FAM149A: variants seen among roughly 807,000 people sequenced by gnomAD.
The protein encoded by FAM149A is family with sequence similarity 149 member A.
In FAM149A, 71 loss-of-function variants were observed where a neutral mutation model predicts 78.2. That is an observed-to-expected ratio of 0.91 (90% CI 0.75 to 1.11). FAM149A has a LOEUF of 1.11. Among genes scored for constraint, FAM149A ranks in the 50% least tolerant of loss-of-function variants. The pLI is 0.00. For missense variants in FAM149A, 1,036 were observed against 971.0 expected, an observed-to-expected ratio of 1.07 and a Z score of -0.89; for synonymous variants, 446 against 410.5, an observed-to-expected ratio of 1.09 and a Z score of -1.04.
intron 12 of FAM149A, 22 bp from the exon 13 acceptor site, chr4:186,167,162 G>A (rs1267854398): frequency 1.2e-6 from 2 of 1,606,482 alleles, no homozygotes; most frequent in Non-Finnish European, 1.7e-6. Context: ...ACTTGTCCCT[G>A]ATTTTATTTT....
chr4:186,156,090 C>T lies in FAM149A; in HGVS notation c.1320C>T (p.Val440=). Residue 440 remains valine (V), a synonymous_variant, in exon 7 of 14, where the codon GTC becomes GTT. Transcript: ENST00000389354. ...CTCCTGTTTCCCCGCGTGACTGTGT[C>T]AAAGATGCCGTGGCAGCAGAAGTGT... 6.2e-7 allele frequency: 1 copy of T among 1,613,902 alleles called. No individual in the cohort carries two copies. The highest frequency in any genetic ancestry group is 8.5e-7 in the Non-Finnish European group (1 of 1,179,878).
chr4:186,135,910 G>T (rs1375690302), intron 1 of FAM149A, among the ~76,000 whole-genome samples: 3 of 152,214 alleles, frequency 2.0e-5, no homozygotes, highest in Non-Finnish European at 4.4e-5. Flanking sequence ...AGGGACTCAG[G>T]TGTGTCATTG....
intron 1 of FAM149A, chr4:186,125,669 T>C: frequency 1.0e-6 from 1 of 979,156 alleles, no homozygotes; most frequent in Non-Finnish European, 1.2e-6. Context: ...AGCAGAGCGC[T>C]TGGCTGAAAT....
At chr4:186,109,370 C>A in intron 1 of FAM149A, 1 of 684,466 alleles carries the variant, frequency 1.5e-6, no homozygotes, top group Non-Finnish European at 1.8e-6. Context: ...GGAAACATTG[C>A]AGTGGCTGCT....
chr4:186,107,042 A>C (rs1375764060), intron 1 of FAM149A, among the ~76,000 whole-genome samples: 2 of 152,244 alleles, frequency 1.3e-5, no homozygotes, highest in Admixed American at 1.3e-4. Context: ...TATGTTTATC[A>C]ACTGATAGTT....
At chr4:186,109,939 C>A (rs1319285585) in intron 1 of FAM149A, 2 of 985,272 alleles carry the variant, frequency 2.0e-6, no homozygotes, top group Non-Finnish European at 2.4e-6. Flanking sequence ...CTGTGTAACA[C>A]CCAGAAGGAA....
chr4:186,130,287 C>A (rs866198815), intron 1 of FAM149A: 30 of 38,210 alleles, frequency 7.9e-4, no homozygotes, highest in East Asian at 2.9e-3. Context: ...CTCTCTCTCT[C>A]TCTCTCTATA....
Position 186,151,926 on chromosome 4 carries a change from G to C in FAM149A, c.813G>C (p.Gln271His). ...AGGAATTTGACGAAGCCAGTTCACA[G>C]TCAGTGCAGCGGTTACTCTGGGAGG... The change falls in exon 4 of 14, where the codon CAG becomes CAC. Residue 271 changes from glutamine to histidine, a missense_variant. By Grantham distance (24) the Gln-to-His change is conservative. Coordinates refer to ENST00000389354, the MANE Select transcript of FAM149A (RefSeq NM_001367768.3). The C allele has an allele frequency of 6.2e-7, 1 of 1,614,170 alleles. No individual in the cohort carries two copies. The highest frequency in any genetic ancestry group is 8.5e-7 in the Non-Finnish European group (1 of 1,180,008).
intron 1 of FAM149A, among the ~76,000 whole-genome samples, chr4:186,137,860 A>AAT (rs2126397180): frequency 6.6e-6 from 1 of 151,664 alleles, no homozygotes; most frequent in South Asian, 2.1e-4. Flanking sequence ...AATATTAAAT[A>AAT]ATATATTCTA....
chr4:186,143,391 T>C (rs1056721032), intron 1 of FAM149A, among the ~76,000 whole-genome samples: 4 of 84,242 alleles, frequency 4.7e-5, no homozygotes, highest in African/African-American at 2.0e-4. Flanking sequence ...GTTTTCCTGA[T>C]AGATATGTAT....
chr4:186,119,279 C>G (rs2099315008), intron 1 of FAM149A, among the ~76,000 whole-genome samples: 1 of 152,134 alleles, frequency 6.6e-6, no homozygotes, highest in Non-Finnish European at 1.5e-5. Context: ...TAGTACTCGT[C>G]AAGCAAATGG....
chr4:186,130,406 A>G (rs11722721), intron 1 of FAM149A, among the ~76,000 whole-genome samples: 14,701 of 150,378 alleles, frequency 0.098, 809 homozygotes, highest in South Asian at 0.14. Context: ...ACAGAGTCTT[A>G]CTCTGTCATC....
intron 1 of FAM149A, chr4:186,117,569 G>A (rs2099314271): frequency 1.0e-6 from 1 of 985,324 alleles, no homozygotes; most frequent in Admixed American, 6.1e-5. Context: ...CACTGTCGGA[G>A]ACCAAAGCAG....
intron 8 of FAM149A, chr4:186,158,662 C>G: frequency 9.2e-7 from 1 of 1,084,472 alleles, no homozygotes; most frequent in Non-Finnish European, 1.1e-6. Flanking sequence ...GGGTGGAGAC[C>G]CAGCCCCTGC....
intron 1 of FAM149A, chr4:186,132,834 A>G: frequency 3.6e-6 from 1 of 274,158 alleles, no homozygotes; most frequent in Non-Finnish European, 5.6e-6. Context: ...CTCAACTTTC[A>G]GCTTAAGTGT....
chr4:186,126,432 C>T (rs1332976888), intron 1 of FAM149A, among the ~76,000 whole-genome samples: 2 of 152,186 alleles, frequency 1.3e-5, no homozygotes, highest in Non-Finnish European at 2.9e-5. Context: ...TTAACATTTT[C>T]ATCAGTAGAC....
At chr4:186,133,911 C>T (rs1347952028) in intron 1 of FAM149A, among the ~76,000 whole-genome samples, 1 of 152,180 alleles carries the variant, frequency 6.6e-6, no homozygotes, top group East Asian at 1.9e-4. Flanking sequence ...CCACCTCAGC[C>T]TCCCAAAGTG....
intron 8 of FAM149A, among the ~76,000 whole-genome samples, chr4:186,159,311 T>A (rs1303934351): frequency 6.6e-6 from 1 of 152,156 alleles, no homozygotes; most frequent in Non-Finnish European, 1.5e-5. Flanking sequence ...TTGTTCTGAT[T>A]ACAGGAGGGG....
rs2099308187 is a variant in FAM149A at position 186,104,978 on chromosome 4, G to A, written c.-99G>A. ...GGGGCCTCCGGGGCTCCGGGTGCGG[G>A]GACCTCAGGCTCCTCGCCCCGGCCC... On this transcript the variant is annotated 5_prime_UTR_variant, in exon 1 of 14. Coordinates refer to ENST00000389354, the MANE Select transcript of FAM149A (RefSeq NM_001367768.3). 2.5e-6 allele frequency: 3 copies of A among 1,193,694 alleles called. No individual in the cohort carries two copies. Among genetic ancestry groups the A allele is most frequent in the Admixed American group, 6.8e-5 (2 of 29,570 alleles). The allele number at this position is 1,193,694 out of a possible 1,614,324, so 73.9% of individuals were successfully genotyped here. A position where few individuals can be genotyped will look rare whatever the true frequency, so the allele number is the denominator to read the frequency against.
Sources: allele counts gnomAD v4.1 joint callset (sites outside exome capture counted in the v4.1 genomes callset), GRCh38; gene constraint gnomAD v4.1.1; transcripts MANE v1.5; gene names NCBI Gene and HGNC (gene_info 2026-07-23, HGNC 2026-07-21).